Variants in LMCD1 observed in about 807,000 individuals in gnomAD.
The protein encoded by LMCD1 is LIM and cysteine-rich domains protein 1.
A neutral mutation model predicts 42.7 loss-of-function variants in LMCD1; 32 were observed. The observed-to-expected ratio is 0.75, with a 90% CI of 0.57 to 1.01. The LOEUF (loss-of-function observed/expected upper bound fraction) is 1.01, where lower values mean the gene tolerates loss of function less well. LMCD1 is among the 50% of genes least tolerant of loss of function. The probability of loss-of-function intolerance (pLI) is 0.00; values close to 1 mark genes in which losing one functional copy is unlikely to be tolerated. For missense variants in LMCD1, 458 were observed against 483.1 expected (o/e 0.95, Z 0.49); for synonymous variants, 178 against 184.9 (o/e 0.96, Z 0.30).
At chr3:8,544,322 C>G (rs981798160) in intron 3 of LMCD1, among the ~76,000 whole-genome samples, 1 of 152,152 alleles carries the variant, frequency 6.6e-6, no homozygotes, top group Admixed American at 6.5e-5. Flanking sequence ...ACCCTGACTT[C>G]CAGACACTCC....
At chr3:8,507,542 C>G (rs906222078) in intron 1 of LMCD1, among the ~76,000 whole-genome samples, 2 of 152,132 alleles carry the variant, frequency 1.3e-5, no homozygotes, top group African/African-American at 4.8e-5. Flanking sequence ...GGATTCTTGC[C>G]TCCCAACAGA....
In LMCD1 at chr3:8,548,794, G is replaced by A. The variant is rs1341639699; in HGVS notation, c.614G>A (p.Gly205Asp). The change falls in exon 4 of 6, where the codon GGT becomes GAT. Residue 205 changes from glycine (G) to aspartate (D), a missense_variant. Transcript: ENST00000157600. Reference sequence around the variant, plus strand: ...GGAGAAGTGGCCCTCCCGGGGCAGGGTGGCTTGCCCAAGGAGGAGGGGAAG... The same window carrying A: ...GGAGAAGTGGCCCTCCCGGGGCAGGATGGCTTGCCCAAGGAGGAGGGGAAG... Reference protein sequence around the residue: ...GVGEVALPGQGGLPKEEGKQQ... With the variant: ...GVGEVALPGQDGLPKEEGKQQ... 6.2e-7 allele frequency: 1 copy of A among 1,610,706 alleles called. No individual in the cohort carries two copies. The highest frequency in any genetic ancestry group is 1.3e-5 in the African/African-American group (1 of 74,922).
chr3:8,532,670 A>T, intron 1 of LMCD1, 67 bp from the exon 2 acceptor site: 2 of 1,379,410 alleles, frequency 1.4e-6, no homozygotes, highest in South Asian at 1.2e-5. Flanking sequence ...CAAGTCTTTT[A>T]GAGGTCAAGC....
chr3:8,534,077 CT>C (rs2125023377), intron 2 of LMCD1, among the ~76,000 whole-genome samples: 1 of 152,114 alleles, frequency 6.6e-6, no homozygotes, highest in South Asian at 2.1e-4. Flanking sequence ...AGAAAGTCAA[CT>C]TCCTTATCAT....
intron 1 of LMCD1, among the ~76,000 whole-genome samples, chr3:8,502,395 A>ATTT (rs1693773352): frequency 2.8e-5 from 2 of 70,538 alleles, no homozygotes; most frequent in East Asian, 8.0e-4. Flanking sequence ...TATTATATAT[A>ATTT]AAATATATAT....
intron 3 of LMCD1, among the ~76,000 whole-genome samples, chr3:8,539,156 C>T (rs1335053931): frequency 6.6e-6 from 1 of 152,192 alleles, no homozygotes; most frequent in Non-Finnish European, 1.5e-5. Context: ...AAGTAAAAAA[C>T]AAACAAACCT....
At chr3:8,514,360 C>T (rs1694060186) in intron 1 of LMCD1, among the ~76,000 whole-genome samples, 1 of 152,148 alleles carries the variant, frequency 6.6e-6, no homozygotes, top group African/African-American at 2.4e-5. Flanking sequence ...ACCAACAGGA[C>T]AGAGTGCTGG....
chr3:8,526,646 T>G (rs1454752415), intron 1 of LMCD1, among the ~76,000 whole-genome samples: 3 of 152,188 alleles, frequency 2.0e-5, no homozygotes, highest in Non-Finnish European at 4.4e-5. Context: ...TTCATAGGTC[T>G]GGGGTGAGGC....
chr3:8,516,448 C>G (rs1694102754), intron 1 of LMCD1, among the ~76,000 whole-genome samples: 1 of 152,170 alleles, frequency 6.6e-6, no homozygotes, highest in African/African-American at 2.4e-5. Flanking sequence ...AGACTTTTGC[C>G]TTTCCTCAGC....
intron 2 of LMCD1, among the ~76,000 whole-genome samples, chr3:8,534,996 T>G (rs968015237): frequency 4.6e-5 from 7 of 152,220 alleles, no homozygotes; most frequent in Non-Finnish European, 1.0e-4. Flanking sequence ...CATCCTGAAA[T>G]TCCACATTAA....
At chr3:8,516,234 C>T (rs1386422737) in intron 1 of LMCD1, among the ~76,000 whole-genome samples, 2 of 152,080 alleles carry the variant, frequency 1.3e-5, no homozygotes, top group Non-Finnish European at 2.9e-5. Context: ...AAGCGGTTGG[C>T]CTGGATCACG....
chr3:8,551,259 A>C, intron 4 of LMCD1: 1 of 985,322 alleles, frequency 1.0e-6, no homozygotes, highest in Non-Finnish European at 1.2e-6. Context: ...TGCTCAATAA[A>C]TATGTGACCC....
At chr3:8,553,351 C>T (rs1312191583) in intron 4 of LMCD1, among the ~76,000 whole-genome samples, 1 of 152,220 alleles carries the variant, frequency 6.6e-6, no homozygotes. Flanking sequence ...CACCCAGCCC[C>T]CCACCTAACC....
chr3:8,542,058 G>A (rs1013433084), intron 3 of LMCD1, among the ~76,000 whole-genome samples: 1 of 143,164 alleles, frequency 7.0e-6, no homozygotes, highest in African/African-American at 2.6e-5. Context: ...GCAGTGGCAG[G>A]ATCTGATCTC....
At chr3:8,539,599 G>A (rs1305898924) in intron 3 of LMCD1, among the ~76,000 whole-genome samples, 6 of 152,084 alleles carry the variant, frequency 3.9e-5, no homozygotes, top group Non-Finnish European at 8.8e-5. Flanking sequence ...GGGCTTCAGG[G>A]ACCGGCTGGT....
At chr3:8,560,758 C>T (rs189568798) in intron 4 of LMCD1, among the ~76,000 whole-genome samples, 446 of 152,268 alleles carry the variant, frequency 2.9e-3, no homozygotes, top group Non-Finnish European at 4.6e-3. Flanking sequence ...GGCTCCAAGC[C>T]AGCTGAGTCT....
intron 3 of LMCD1, among the ~76,000 whole-genome samples, chr3:8,544,880 G>A (rs781662753): frequency 5.4e-4 from 83 of 152,302 alleles, no homozygotes; most frequent in Non-Finnish European, 4.9e-4. Context: ...GAAAATGGTT[G>A]TCCAGGATGA....
chr3:8,555,567 G>A (rs1035129672), intron 4 of LMCD1, among the ~76,000 whole-genome samples: 13 of 152,166 alleles, frequency 8.5e-5, no homozygotes, highest in Admixed American at 2.6e-4. Flanking sequence ...CCAGCTTCTC[G>A]GCATCTGCCT....
intron 2 of LMCD1, among the ~76,000 whole-genome samples, chr3:8,535,323 A>AT (rs201200398): frequency 0.021 from 3,252 of 152,074 alleles, 130 homozygotes; most frequent in African/African-American, 0.075. Context: ...TATTTATTTA[A>AT]TTTTTTTTGA....
Sources: gnomAD v4.1 joint callset for allele counts (sites outside exome capture counted in the v4.1 genomes callset) on GRCh38, gnomAD v4.1.1 for gene constraint, MANE v1.5 for transcripts, NCBI Gene and HGNC (gene_info 2026-07-23, HGNC 2026-07-21) for gene names.